Variants in KCNIP4 observed in about 807,000 individuals in gnomAD.
KCNIP4 encodes Kv channel-interacting protein 4.
KCNIP4 carries 12 observed loss-of-function variants against 34.0 expected under a neutral mutation model. That is an observed-to-expected ratio of 0.35 (90% CI 0.23 to 0.57). The LOEUF (loss-of-function observed/expected upper bound fraction) is 0.57, where lower values mean the gene tolerates loss of function less well. Among genes scored for constraint, KCNIP4 ranks in the 20% least tolerant of loss-of-function variants. The probability of loss-of-function intolerance (pLI) is 0.83; values close to 1 mark genes in which losing one functional copy is unlikely to be tolerated. For synonymous variants in KCNIP4, 124 were observed against 102.2 expected, an observed-to-expected ratio of 1.21 and a Z score of -1.29; for missense variants, 238 against 311.7, an observed-to-expected ratio of 0.76 and a Z score of 1.78.
intron 1 of KCNIP4, among the ~76,000 whole-genome samples, chr4:21,876,298 T>A (rs771517565): frequency 6.6e-6 from 1 of 152,236 alleles, no homozygotes; most frequent in Non-Finnish European, 1.5e-5. Context: ...GGAGGCAAAG[T>A]TGCACATAAT....
intron 1 of KCNIP4, among the ~76,000 whole-genome samples, chr4:21,764,260 A>G (rs1718254037): frequency 6.6e-6 from 1 of 152,112 alleles, no homozygotes; most frequent in African/African-American, 2.4e-5. Flanking sequence ...AACACCAGCC[A>G]GGGAGACAAA....
At chr4:21,142,628 G>A (rs16870444) in intron 1 of KCNIP4, among the ~76,000 whole-genome samples, 7,240 of 152,212 alleles carry the variant, frequency 0.048, 255 homozygotes, top group East Asian at 0.15. Flanking sequence ...TGAGGTCAGA[G>A]TTGCTATCTT....
At position 21,334,971 on chromosome 4, in the gene KCNIP4, T is replaced by C. The variant is rs539322715; in HGVS notation, c.62-452262A>G. 5.9e-5 allele frequency among the ~76,000 whole-genome samples: 9 copies of C among 152,264 alleles called. No homozygotes were observed. The South Asian group carries it at 1.9e-3, about 32-fold the overall frequency. On this transcript the variant is annotated intron_variant, in intron 1 of 8. Coordinates refer to ENST00000382152, the MANE Select transcript of KCNIP4 (RefSeq NM_025221.6). ...AATCATGCTAGTAGAAACATTTGTATACAAGTCTTTTTCTACACCTGTGTT... is the reference window on the plus strand; with the variant it reads ...AATCATGCTAGTAGAAACATTTGTACACAAGTCTTTTTCTACACCTGTGTT...
intron 1 of KCNIP4, among the ~76,000 whole-genome samples, chr4:21,823,759 T>C (rs1722509796): frequency 6.6e-6 from 1 of 152,178 alleles, no homozygotes; most frequent in South Asian, 2.1e-4. Flanking sequence ...GACTCAACTT[T>C]TAAATTATTG....
chr4:21,577,487 C>T (rs1287633474), intron 1 of KCNIP4, among the ~76,000 whole-genome samples: 1 of 152,068 alleles, frequency 6.6e-6, no homozygotes, highest in East Asian at 1.9e-4. Flanking sequence ...AAAAATTAGG[C>T]AGGCATTGTG....
intron 1 of KCNIP4, among the ~76,000 whole-genome samples, chr4:21,569,472 A>G (rs1048652814): frequency 6.6e-6 from 1 of 151,990 alleles, no homozygotes; most frequent in Non-Finnish European, 1.5e-5. Flanking sequence ...GATTCATGAC[A>G]TTCTTGGGAT....
chr4:21,440,965 T>G (rs1412519822), intron 1 of KCNIP4, among the ~76,000 whole-genome samples: 1 of 152,160 alleles, frequency 6.6e-6, no homozygotes, highest in Non-Finnish European at 1.5e-5. Flanking sequence ...TGTTTTATGT[T>G]ATGAAATATG....
intron 1 of KCNIP4, among the ~76,000 whole-genome samples, chr4:21,333,095 T>C (rs1403727141): frequency 6.6e-6 from 1 of 152,068 alleles, no homozygotes. Context: ...TATTATCTGG[T>C]CATGCTCTTG....
chr4:21,122,002 G>C (rs770853727), intron 1 of KCNIP4, among the ~76,000 whole-genome samples: 14 of 152,182 alleles, frequency 9.2e-5, no homozygotes, highest in Admixed American at 5.2e-4. Flanking sequence ...CTCTGATAAT[G>C]AGTTAGGAGC....
chr4:20,853,612 CA>C (rs1176527348), intron 2 of KCNIP4, among the ~76,000 whole-genome samples: 1 of 151,948 alleles, frequency 6.6e-6, no homozygotes, highest in Admixed American at 6.6e-5. Flanking sequence ...AACCCAAAAG[CA>C]AAAGCAAAAG....
intron 1 of KCNIP4, among the ~76,000 whole-genome samples, chr4:21,453,350 A>C (rs1053153669): frequency 3.9e-5 from 6 of 152,122 alleles, no homozygotes; most frequent in Non-Finnish European, 8.8e-5. Context: ...GTACCTAGTG[A>C]ACATAATCTC....
intron 1 of KCNIP4, among the ~76,000 whole-genome samples, chr4:21,169,660 TTGTGTG>T (rs58544791): frequency 6.2e-4 from 85 of 136,286 alleles, no homozygotes; most frequent in Admixed American, 1.5e-3. Flanking sequence ...TACTTTATAT[TTGTGTG>T]TGTGTGTGTG....
chr4:20,895,767 C>T (rs974012008), intron 1 of KCNIP4, among the ~76,000 whole-genome samples: 1 of 152,182 alleles, frequency 6.6e-6, no homozygotes, highest in Admixed American at 6.5e-5. Flanking sequence ...CATTACTTGG[C>T]CATGATTGCT....
chr4:21,558,211 AC>A (rs1282571089), intron 1 of KCNIP4, among the ~76,000 whole-genome samples: 14 of 152,042 alleles, frequency 9.2e-5, no homozygotes, highest in African/African-American at 3.4e-4. Flanking sequence ...GGGATTTAGG[AC>A]CTGGTGCAGT....
chr4:21,531,276 T>G (rs571187907), intron 1 of KCNIP4, among the ~76,000 whole-genome samples: 12 of 151,822 alleles, frequency 7.9e-5, no homozygotes, highest in Non-Finnish European at 1.3e-4. Flanking sequence ...TGCAGTGCCT[T>G]CCTTCCTTTC....
intron 1 of KCNIP4, among the ~76,000 whole-genome samples, chr4:20,904,579 C>T (rs1002811786): frequency 6.6e-6 from 1 of 151,984 alleles, no homozygotes; most frequent in Non-Finnish European, 1.5e-5. Flanking sequence ...ATACAAAACA[C>T]CTAACCAATG....
In KCNIP4 at chr4:20,954,391, G is replaced by C. The variant is rs185346860; in HGVS notation, c.62-71682C>G. ...GAACATTACATTAGTGTTTGTTGAT[G>C]GAATAATTGAAATTTTAAAGTCAAA... On this transcript the variant is annotated intron_variant, in intron 1 of 8. Transcript: ENST00000382152. 4.3e-4 allele frequency among the ~76,000 whole-genome samples: 66 copies of C among 152,176 alleles called. 2 individuals are homozygous for C. In the East Asian group the frequency reaches 0.012, roughly 28 times the overall value.
At chr4:21,046,661 G>A (rs1231289034) in intron 1 of KCNIP4, among the ~76,000 whole-genome samples, 3 of 151,770 alleles carry the variant, frequency 2.0e-5, no homozygotes, top group South Asian at 2.1e-4. Flanking sequence ...GCACAACCTC[G>A]GCTCACTACA....
At chr4:21,460,972 G>T (rs1267803737) in intron 1 of KCNIP4, among the ~76,000 whole-genome samples, 2 of 152,094 alleles carry the variant, frequency 1.3e-5, no homozygotes, top group African/African-American at 2.4e-5. Context: ...GAAACGGAGA[G>T]TCAATATTTA....
Sources: gnomAD v4.1 joint callset for allele counts (sites outside exome capture counted in the v4.1 genomes callset) on GRCh38, gnomAD v4.1.1 for gene constraint, MANE v1.5 for transcripts, NCBI Gene and HGNC (gene_info 2026-07-23, HGNC 2026-07-21) for gene names.